PAN3: variants seen among roughly 807,000 people sequenced by gnomAD.
The protein encoded by PAN3 is PAN2-PAN3 deadenylation complex subunit PAN3.
PAN3 carries 19 observed loss-of-function variants against 96.2 expected under a neutral mutation model. The observed-to-expected ratio is 0.20, with a 90% CI of 0.14 to 0.29. The LOEUF is 0.29. Among genes scored for constraint, PAN3 ranks in the 10% least tolerant of loss-of-function variants. The probability of loss-of-function intolerance (pLI) is 1.00; values close to 1 mark genes in which losing one functional copy is unlikely to be tolerated. For synonymous variants in PAN3, 433 were observed against 406.6 expected (o/e 1.06, Z -0.78); for missense variants, 882 against 1,108.1 (o/e 0.80, Z 2.90).
chr13:28,138,862 G>A lies in PAN3; in HGVS notation c.205G>A (p.Glu69Lys). The change falls in exon 1 of 19, where the codon GAG becomes AAG. Residue 69 changes from glutamate (E) to lysine (K), a missense_variant. Glu to Lys is a moderately conservative substitution (Grantham distance 56, BLOSUM62 1). Transcript: ENST00000380958. ...FYGEECQFLH[E>K]DPAAGAAPGL... ...CGGGGAGGAGTGTCAGTTCCTGCATGAGGACCCTGCCGCCGGGGCTGCCCC... is the reference window on the plus strand; with the variant it reads ...CGGGGAGGAGTGTCAGTTCCTGCATAAGGACCCTGCCGCCGGGGCTGCCCC... 7.0e-7 allele frequency: 1 copy of A among 1,424,768 alleles called. No individual in the cohort carries two copies. Among genetic ancestry groups the A allele is most frequent in the Non-Finnish European group, 9.1e-7 (1 of 1,093,878 alleles). 88.3% of individuals were successfully genotyped at this position (1,424,768 alleles called of 1,614,324 possible).
chr13:28,279,212 A>G (rs1449398023), intron 15 of PAN3, among the ~76,000 whole-genome samples: 4 of 152,118 alleles, frequency 2.6e-5, no homozygotes, highest in African/African-American at 9.7e-5. Flanking sequence ...ATTTTCTGCC[A>G]CTGTTCTAAT....
chr13:28,144,766 G>A (rs1870400501), intron 1 of PAN3, among the ~76,000 whole-genome samples: 1 of 143,454 alleles, frequency 7.0e-6, no homozygotes, highest in African/African-American at 2.7e-5. Flanking sequence ...TGTAGCCCAG[G>A]ATGGAGTGCA....
At chr13:28,219,207 T>A (rs990380229) in intron 5 of PAN3, among the ~76,000 whole-genome samples, 1 of 152,202 alleles carries the variant, frequency 6.6e-6, no homozygotes, top group African/African-American at 2.4e-5. Flanking sequence ...CAGACCTGAT[T>A]ATACTTTTTC....
chr13:28,151,224 G>A (rs187904878), intron 1 of PAN3, among the ~76,000 whole-genome samples: 1 of 152,182 alleles, frequency 6.6e-6, no homozygotes, highest in Admixed American at 6.6e-5. Context: ...GGTTTTAAAA[G>A]AGTTCTGTGG....
chr13:28,279,696 G>A (rs1251442973), intron 15 of PAN3, among the ~76,000 whole-genome samples: 1 of 151,322 alleles, frequency 6.6e-6, no homozygotes, highest in South Asian at 2.1e-4. Context: ...GGAGGCAGAG[G>A]TTGCAGTGAG....
In PAN3 at chr13:28,235,722, C is replaced by CACACAT. The variant is rs763204992; in HGVS notation, c.1000+15345_1000+15346insCACATA. Among the ~76,000 whole-genome samples, 78 of 149,066 alleles carry CACACAT rather than the reference C, an allele frequency of 5.2e-4. 1 individual carries two copies. The highest frequency in any genetic ancestry group is 4.3e-3 in the East Asian group (22 of 5,106). On this transcript the variant is annotated intron_variant, in intron 6 of 18. Coordinates refer to ENST00000380958, the MANE Select transcript of PAN3 (RefSeq NM_175854.8). ...ACACACACACACACACACACACACA[C>CACACAT]ATATATATATATATGTATTTATTTT...
chr13:28,284,348 A>T (rs1868696188), intron 17 of PAN3, among the ~76,000 whole-genome samples: 1 of 150,258 alleles, frequency 6.7e-6, no homozygotes, highest in Admixed American at 6.6e-5. Context: ...TCTTATTGAT[A>T]TATAAGAGCT....
At position 28,177,736 on chromosome 13, in the gene PAN3, C is replaced by T; in HGVS notation, c.620-129C>T. On this transcript the variant is annotated intron_variant, in intron 3 of 18. Coordinates refer to ENST00000380958, the MANE Select transcript of PAN3 (RefSeq NM_175854.8). Reference sequence around the variant, plus strand: ...TTGCTCAGAAAATATTTGAACATAACTGTGTGTTAGGTACTAAGTTTAATT... The same window carrying T: ...TTGCTCAGAAAATATTTGAACATAATTGTGTGTTAGGTACTAAGTTTAATT... The T allele has an allele frequency of 4.3e-6, 3 of 704,522 alleles. No homozygotes were observed. In the South Asian group the frequency reaches 5.4e-5, roughly 13 times the overall value. 43.6% of individuals were successfully genotyped at this position (704,522 alleles called of 1,614,324 possible).
Position 28,138,631 on chromosome 13 carries a change from G to T in PAN3, c.-27G>T. ...TGGCGGCGGCGGCTCCTCGGGCGGC[G>T]GCGGAAGACGAGGCTGCGGCGTTGC... On this transcript the variant is annotated 5_prime_UTR_variant, in exon 1 of 19. Transcript: ENST00000380958. 1 of 505,302 alleles carries T rather than the reference G, an allele frequency of 2.0e-6. No homozygotes were observed. The highest frequency in any genetic ancestry group is 3.2e-6 in the Non-Finnish European group (1 of 313,946). The allele number at this position is 505,302 out of a possible 1,614,324, so 31.3% of individuals were successfully genotyped here.
At chr13:28,242,887 C>T (rs1384141862) in intron 6 of PAN3, among the ~76,000 whole-genome samples, 2 of 152,072 alleles carry the variant, frequency 1.3e-5, no homozygotes, top group South Asian at 2.1e-4. Flanking sequence ...ATACATATTT[C>T]GTTAGGTTTA....
At chr13:28,254,756 A>G (rs4343125) in intron 6 of PAN3, among the ~76,000 whole-genome samples, 8,784 of 152,188 alleles carry the variant, frequency 0.058, 340 homozygotes, top group Non-Finnish European at 0.091. Flanking sequence ...TACACATTTA[A>G]GACATAACTC....
At chr13:28,291,205 A>G (rs1566266780) in intron 18 of PAN3, among the ~76,000 whole-genome samples, 1 of 152,202 alleles carries the variant, frequency 6.6e-6, no homozygotes, top group Non-Finnish European at 1.5e-5. Context: ...AATGATTTGA[A>G]TGTTTGAGCC....
intron 12 of PAN3, among the ~76,000 whole-genome samples, chr13:28,270,043 T>A (rs992649309): frequency 6.6e-6 from 1 of 152,160 alleles, no homozygotes; most frequent in Non-Finnish European, 1.5e-5. Flanking sequence ...GCCTGGGCAA[T>A]GTAGCAAAAG....
intron 6 of PAN3, among the ~76,000 whole-genome samples, chr13:28,223,587 G>A (rs1322217756): frequency 6.6e-6 from 1 of 151,574 alleles, no homozygotes; most frequent in Non-Finnish European, 1.5e-5. Context: ...TTTTGAGACG[G>A]AGTTTTGCTC....
At chr13:28,266,261 C>T (rs1886168259) in intron 9 of PAN3, among the ~76,000 whole-genome samples, 1 of 152,144 alleles carries the variant, frequency 6.6e-6, no homozygotes, top group Non-Finnish European at 1.5e-5. Flanking sequence ...ATATCATGAG[C>T]ATTCCGAAGT....
intron 17 of PAN3, among the ~76,000 whole-genome samples, chr13:28,282,652 CCT>C (rs1301911508): frequency 1.3e-5 from 2 of 152,180 alleles, no homozygotes; most frequent in African/African-American, 4.8e-5. Flanking sequence ...TTACAAAACA[CCT>C]CTCCCATGCG....
At chr13:28,240,680 T>C (rs1290195524) in intron 6 of PAN3, among the ~76,000 whole-genome samples, 1 of 152,240 alleles carries the variant, frequency 6.6e-6, no homozygotes, top group Non-Finnish European at 1.5e-5. Flanking sequence ...AGCTGCATGA[T>C]TCTTATTACC....
In PAN3 at chr13:28,174,311, T is replaced by G. The variant is rs1874674674; in HGVS notation, c.470T>G (p.Leu157Arg). 1 of 1,612,790 alleles carries G rather than the reference T, an allele frequency of 6.2e-7. No homozygotes were observed. Among genetic ancestry groups the G allele is most frequent in the African/African-American group, 1.3e-5 (1 of 74,906 alleles). ...MDGGALTDTS[L>R]TDSYFSTSFI... ...GGAGGTGCTTTAACTGATACAAGTC[T>G]CACAGATTCCTATTTTAGCACCAGC... Residue 157 changes from leucine to arginine, a missense_variant, in exon 2 of 19, where the codon CTC (leucine) becomes CGC (arginine). Transcript: ENST00000380958.
intron 4 of PAN3, among the ~76,000 whole-genome samples, chr13:28,191,180 A>G (rs945143631): frequency 4.6e-5 from 7 of 152,114 alleles, no homozygotes; most frequent in African/African-American, 1.7e-4. Context: ...TAGTAAATAA[A>G]TATTTCCCTT....
Sources: gnomAD v4.1 joint callset for allele counts (sites outside exome capture counted in the v4.1 genomes callset) on GRCh38, gnomAD v4.1.1 for gene constraint, MANE v1.5 for transcripts, NCBI Gene and HGNC (gene_info 2026-07-23, HGNC 2026-07-21) for gene names.